Variants in ARHGEF10L observed in about 807,000 individuals in gnomAD.
The protein encoded by ARHGEF10L is Rho guanine nucleotide exchange factor 10 like, also known as rho guanine nucleotide exchange factor 10-like protein.
Under a neutral mutation model 141.2 loss-of-function variants are expected in ARHGEF10L, and 69 were observed. The observed-to-expected ratio is 0.49, with a 90% CI of 0.40 to 0.60. The LOEUF (loss-of-function observed/expected upper bound fraction) is 0.60, where lower values mean the gene tolerates loss of function less well. Ranked by LOEUF, ARHGEF10L falls within the 20% of genes least tolerant of loss-of-function variation. The probability of loss-of-function intolerance (pLI) is 0.00; values close to 1 mark genes in which losing one functional copy is unlikely to be tolerated. For synonymous variants in ARHGEF10L, 711 were observed against 718.5 expected (o/e 0.99, Z 0.17); for missense variants, 1,482 against 1,734.3 (o/e 0.85, Z 2.58).
At chr1:17,641,814 A>C (rs1238197298) in intron 21 of ARHGEF10L, among the ~76,000 whole-genome samples, 1 of 151,692 alleles carries the variant, frequency 6.6e-6, no homozygotes, top group African/African-American at 2.4e-5. Flanking sequence ...CCCCATCTCT[A>C]CTAAAAATAC....
Position 17,656,222 on chromosome 1 carries a change from C to CA in ARHGEF10L, c.2705+120_2705+121insA, listed in dbSNP as rs2062239557. 8.8e-6 allele frequency: 11 copies of CA among 1,247,322 alleles called. No individual in the cohort carries two copies. The highest frequency in any genetic ancestry group is 1.2e-5 in the Non-Finnish European group (11 of 902,614). The allele number at this position is 1,247,322 out of a possible 1,614,324, so 77.3% of individuals were successfully genotyped here. A position where few individuals can be genotyped will look rare whatever the true frequency, so the allele number is the denominator to read the frequency against. ...CACCAACATTCTCTGCCCCTGGTCTCCAGGAAGGTGGGCACCAGAGCTGCC... is the reference window on the plus strand; with the variant it reads ...CACCAACATTCTCTGCCCCTGGTCTCACAGGAAGGTGGGCACCAGAGCTGCC... On this transcript the variant is annotated intron_variant, in intron 24 of 28. Coordinates refer to ENST00000361221, the MANE Select transcript of ARHGEF10L (RefSeq NM_018125.4). The surrounding 1 kb of genome is among the most constrained non-coding windows in gnomAD (Gnocchi z 4.9).
In ARHGEF10L at chr1:17,639,918, C is replaced by A. The variant is rs934700043; in HGVS notation, c.2172-284C>A. 2.7e-6 allele frequency: 4 copies of A among 1,454,698 alleles called. No homozygotes were observed. The highest frequency in any genetic ancestry group is 2.1e-5 in the Admixed American group (1 of 48,230). The allele number at this position is 1,454,698 out of a possible 1,614,324, so 90.1% of individuals were successfully genotyped here. On this transcript the variant is annotated intron_variant, in intron 20 of 28. Coordinates refer to ENST00000361221, the MANE Select transcript of ARHGEF10L (RefSeq NM_018125.4). This position sits in a 1 kb window ranked among gnomAD's most constrained non-coding sequence, Gnocchi z 4.3. ...GGAGTCACAGCCTGCAGAGGCTCTG[C>A]CGGGCACAAAGCCAGAGGCTCCTGG...
Position 17,627,531 on chromosome 1 carries a change from C to T in ARHGEF10L, c.1584+28C>T, listed in dbSNP as rs745671481. ...GAGCTGGGCCTCCCACCTGCCTGCC[C>T]TCACCTGCCTGCCCTCACCTGTGCT... On this transcript the variant is annotated intron_variant, in intron 15 of 28. Coordinates refer to ENST00000361221, the MANE Select transcript of ARHGEF10L (RefSeq NM_018125.4). The surrounding 1 kb of genome is among the most constrained non-coding windows in gnomAD (Gnocchi z 4.0). 7 of 1,605,070 alleles carry T rather than the reference C, an allele frequency of 4.4e-6. No homozygotes were observed. The highest frequency in any genetic ancestry group is 5.1e-6 in the Non-Finnish European group (6 of 1,176,490).
chr1:17,626,024 C>T lies in ARHGEF10L; in HGVS notation c.1386C>T (p.Phe462=), dbSNP rs1473819355. 1 of 1,613,940 alleles carries T rather than the reference C, an allele frequency of 6.2e-7. No individual in the cohort carries two copies. Among genetic ancestry groups the T allele is most frequent in the South Asian group, 1.1e-5 (1 of 91,078 alleles). Residue 462 remains phenylalanine, a synonymous_variant, in exon 14 of 29, where the codon TTC becomes TTT. Coordinates refer to ENST00000361221, the MANE Select transcript of ARHGEF10L (RefSeq NM_018125.4). ...YGLMVKPIQR[F]PQFILLLQDM... ...TGATGGTCAAGCCCATCCAGAGGTT[C>T]CCACAGTTCATACTCCTGCTTCAGG...
chr1:17,536,467 ACT>A (rs1267051177), upstream of ARHGEF10L, among the ~76,000 whole-genome samples: 1 of 152,046 alleles, frequency 6.6e-6, no homozygotes, highest in Non-Finnish European at 1.5e-5. Flanking sequence ...ACAGAGCAAG[ACT>A]CTATCACCAA....
At chr1:17,602,273 C>T (rs989037650) in intron 5 of ARHGEF10L, 55 bp downstream of exon 5, 13 of 1,528,204 alleles carry the variant, frequency 8.5e-6, no homozygotes, top group Non-Finnish European at 1.1e-5. Context: ...CCAGGATATT[C>T]TAGTCTTTCT....
intron 15 of ARHGEF10L, among the ~76,000 whole-genome samples, chr1:17,628,875 T>C (rs533581720): frequency 1.3e-4 from 20 of 152,170 alleles, no homozygotes; most frequent in Non-Finnish European, 2.6e-4. Context: ...TTCCACCCCA[T>C]GCCTGTGAAG....
chr1:17,520,655 G>A, the ARHGEF10L span, among the ~76,000 whole-genome samples: 1 of 152,194 alleles, frequency 6.6e-6, no homozygotes. Context: ...ACCGTGCTGG[G>A]TGCCTCTATG....
chr1:17,611,770 T>A (rs2059562871), intron 7 of ARHGEF10L, among the ~76,000 whole-genome samples: 1 of 152,224 alleles, frequency 6.6e-6, no homozygotes, highest in African/African-American at 2.4e-5. Context: ...AAGAGACTTC[T>A]CTAGCTAGTA....
intron 28 of ARHGEF10L, among the ~76,000 whole-genome samples, chr1:17,696,259 T>C (rs942777532): frequency 6.6e-6 from 1 of 151,986 alleles, no homozygotes; most frequent in Non-Finnish European, 1.5e-5. Flanking sequence ...TTTTCTATTT[T>C]CAAGGTTTCA....
intron 9 of ARHGEF10L, chr1:17,618,668 C>A (rs2059941741): frequency 3.3e-6 from 2 of 599,698 alleles, no homozygotes; most frequent in Non-Finnish European, 5.3e-6. Flanking sequence ...CTGGGATCCC[C>A]TCTCCCGGCA....
At position 17,558,366 on chromosome 1, in the gene ARHGEF10L, A is replaced by G. The variant is rs2077423447; in HGVS notation, c.-44+18416A>G. ...CTAAGGACTGCCCTGGGTATTGGAGAGACAGAAATGAAAGGCATTATTCTT... is the reference window on the plus strand; with the variant it reads ...CTAAGGACTGCCCTGGGTATTGGAGGGACAGAAATGAAAGGCATTATTCTT... On this transcript the variant is annotated intron_variant, in intron 1 of 28. Coordinates refer to ENST00000361221, the MANE Select transcript of ARHGEF10L (RefSeq NM_018125.4). This position sits in a 1 kb window ranked among gnomAD's most constrained non-coding sequence, Gnocchi z 4.2. 6.6e-6 allele frequency among the ~76,000 whole-genome samples: 1 copy of G among 152,188 alleles called. No homozygotes were observed. The highest frequency in any genetic ancestry group is 1.5e-5 in the Non-Finnish European group (1 of 68,036).
At chr1:17,560,915 G>T (rs1477227605) in intron 1 of ARHGEF10L, among the ~76,000 whole-genome samples, 1 of 152,200 alleles carries the variant, frequency 6.6e-6, no homozygotes, top group Admixed American at 6.5e-5. Flanking sequence ...GACACCCAGG[G>T]AGGAGCCACA....
intron 7 of ARHGEF10L, among the ~76,000 whole-genome samples, chr1:17,610,130 T>C (rs2059468545): frequency 6.6e-6 from 1 of 152,200 alleles, no homozygotes. Context: ...TTTCCAGCGG[T>C]GGTCCCCATG....
upstream of ARHGEF10L, among the ~76,000 whole-genome samples, chr1:17,537,416 C>T (rs2076590690): frequency 6.6e-6 from 1 of 152,050 alleles, no homozygotes; most frequent in African/African-American, 2.4e-5. Context: ...CTGTGCTGGG[C>T]TCTGAGGGCA....
intron 1 of ARHGEF10L, among the ~76,000 whole-genome samples, chr1:17,572,387 G>A (rs564382135): frequency 2.1e-4 from 32 of 152,244 alleles, no homozygotes; most frequent in African/African-American, 6.7e-4. Context: ...AGCGTGGTGC[G>A]GGCCCCTTCC....
intron 1 of ARHGEF10L, among the ~76,000 whole-genome samples, chr1:17,541,737 G>A (rs1454250196): frequency 6.6e-6 from 1 of 152,190 alleles, no homozygotes; most frequent in African/African-American, 2.4e-5. Context: ...GGAGGCTGAG[G>A]TGGGCGGATT....
In ARHGEF10L at chr1:17,619,670, G is replaced by A. The variant is rs1304871405; in HGVS notation, c.942+225G>A. On this transcript the variant is annotated intron_variant, in intron 10 of 28. Coordinates refer to ENST00000361221, the MANE Select transcript of ARHGEF10L (RefSeq NM_018125.4). The surrounding 1 kb of genome is among the most constrained non-coding windows in gnomAD (Gnocchi z 5.0). ...TGCTCTGTGCTGTTGGTTTTGGGGG[G>A]TGGGCTCCCGGCATCTAGAACGCTT... Among the ~76,000 whole-genome samples the A allele has an allele frequency of 6.6e-6, 1 of 152,136 alleles. No individual in the cohort carries two copies. The highest frequency in any genetic ancestry group is 1.5e-5 in the Non-Finnish European group (1 of 68,030).
chr1:17,555,511 A>G (rs1167848926), intron 1 of ARHGEF10L, among the ~76,000 whole-genome samples: 3 of 152,140 alleles, frequency 2.0e-5, no homozygotes, highest in East Asian at 3.9e-4. Flanking sequence ...GCACACCACC[A>G]TGCCCAGATA....
Sources: gnomAD v4.1 joint callset for allele counts (sites outside exome capture counted in the v4.1 genomes callset) on GRCh38, gnomAD v4.1.1 for gene constraint, Gnocchi (gnomAD v3.1) non-coding constraint, MANE v1.5 for transcripts, NCBI Gene and HGNC (gene_info 2026-07-23, HGNC 2026-07-21) for gene names.